Variants in SPIRE2 observed in about 807,000 individuals in gnomAD.
SPIRE2 encodes the protein protein spire homolog 2.
SPIRE2 carries 76 observed loss-of-function variants against 80.7 expected under a neutral mutation model. The ratio of observed to expected loss-of-function variants is 0.94; its 90% CI spans 0.78 to 1.14. The LOEUF (loss-of-function observed/expected upper bound fraction) is 1.14. SPIRE2 is among the 50% of genes most tolerant of loss of function. SPIRE2 has a pLI of 0.00. For synonymous variants in SPIRE2, 535 were observed against 432.6 expected (o/e 1.24, Z -2.94); for missense variants, 1,196 against 1,015.3 (o/e 1.18, Z -2.42).
chr16:89,834,357 C>T lies in SPIRE2; in HGVS notation c.244+5563C>T, dbSNP rs149583750. Among the ~76,000 whole-genome samples the T allele has an allele frequency of 1.3e-3, 177 of 138,364 alleles. 5 individuals are homozygous for T. In the East Asian group the frequency reaches 0.031, roughly 25 times the overall value. 90.8% of individuals were successfully genotyped at this position (138,364 alleles called of 152,430 possible). On this transcript the variant is annotated intron_variant, in intron 1 of 14. Coordinates refer to ENST00000378247, the MANE Select transcript of SPIRE2 (RefSeq NM_032451.2). ...GAATCTGTGAACCTGCCTGTGCTCACGGTTGGCCGTCGTAGAAGCCTGGAT... is the reference window on the plus strand; with the variant it reads ...GAATCTGTGAACCTGCCTGTGCTCATGGTTGGCCGTCGTAGAAGCCTGGAT...
chr16:89,845,205 G>T (rs1476865136), intron 1 of SPIRE2, 117 bp from the exon 2 acceptor site: 1 of 928,172 alleles, frequency 1.1e-6, no homozygotes, highest in Admixed American at 1.9e-5. Flanking sequence ...GCTTTCTGGT[G>T]TTCCGGCGGA....
intron 1 of SPIRE2, among the ~76,000 whole-genome samples, chr16:89,843,683 TTGTTTTTGTTTTTTG>T (rs2041526785): frequency 2.2e-4 from 5 of 22,646 alleles, no homozygotes; most frequent in East Asian, 8.1e-3. Context: ...TTTTTTTTGT[TTGTTTTTGTTTTTTG>T]TTTTTTTTTT....
chr16:89,839,957 C>A (rs988635932), intron 1 of SPIRE2, among the ~76,000 whole-genome samples: 1 of 152,224 alleles, frequency 6.6e-6, no homozygotes, highest in Admixed American at 6.5e-5. Context: ...TAACGCCATG[C>A]GTGAGATTGA....
chr16:89,854,242 C>G, intron 3 of SPIRE2, 44 bp from the exon 4 acceptor site: 1 of 1,580,178 alleles, frequency 6.3e-7, no homozygotes, highest in South Asian at 1.1e-5. Flanking sequence ...TTGCATCTGC[C>G]ATTCTCGTAC....
chr16:89,834,371 A>G (rs1474955802), intron 1 of SPIRE2, among the ~76,000 whole-genome samples: 6 of 137,492 alleles, frequency 4.4e-5, no homozygotes, highest in African/African-American at 1.3e-4. Context: ...TGGCCGTCGT[A>G]GAAGCCTGGA....
chr16:89,858,148 G>C (rs983489470), intron 7 of SPIRE2, among the ~76,000 whole-genome samples, 190 bp from the exon 8 acceptor site: 8 of 152,116 alleles, frequency 5.3e-5, no homozygotes, highest in African/African-American at 1.9e-4. Flanking sequence ...GCCTCCCAAA[G>C]TGCTGGGATT....
chr16:89,857,759 G>A (rs1489788884), intron 7 of SPIRE2, among the ~76,000 whole-genome samples: 3 of 151,662 alleles, frequency 2.0e-5, no homozygotes, highest in African/African-American at 4.8e-5. Flanking sequence ...TAGTAGAGAC[G>A]GGGTTTCTCC....
chr16:89,841,207 A>G (rs1448367423), intron 1 of SPIRE2, among the ~76,000 whole-genome samples: 1 of 151,282 alleles, frequency 6.6e-6, no homozygotes, highest in African/African-American at 2.4e-5. Flanking sequence ...AAGGAAAAAG[A>G]AACTCAGGTG....
chr16:89,829,252 A>T (rs377057061), intron 1 of SPIRE2, among the ~76,000 whole-genome samples: 1 of 152,216 alleles, frequency 6.6e-6, no homozygotes, highest in Admixed American at 6.5e-5. Context: ...TTGGCGTCTG[A>T]ACTGACACTA....
At chr16:89,868,327 C>A in intron 13 of SPIRE2, 111 bp downstream of exon 13, 1 of 1,105,150 alleles carries the variant, frequency 9.0e-7, no homozygotes, top group Non-Finnish European at 1.4e-6. Context: ...CATCCATTTC[C>A]TTTCAGGCAG....
At position 89,863,312 on chromosome 16, in the gene SPIRE2, C is replaced by T. The variant is rs1257118501; in HGVS notation, c.1576-164C>T. The T allele has an allele frequency of 1.6e-5, 12 of 757,566 alleles. No homozygotes were observed. Among genetic ancestry groups the T allele is most frequent in the African/African-American group, 5.3e-5 (3 of 56,690 alleles). 46.9% of individuals were successfully genotyped at this position (757,566 alleles called of 1,614,324 possible). A position where few individuals can be genotyped will look rare whatever the true frequency, so the allele number is the denominator to read the frequency against. On this transcript the variant is annotated intron_variant, in intron 10 of 14. Coordinates refer to ENST00000378247, the MANE Select transcript of SPIRE2 (RefSeq NM_032451.2). The surrounding 1 kb of genome is among the most constrained non-coding windows in gnomAD (Gnocchi z 4.3). ...CTGCAGCAGCAGGGCCCATCAAAGACATGGGGATGGATGGCTGATGGACAA... is the reference window on the plus strand; with the variant it reads ...CTGCAGCAGCAGGGCCCATCAAAGATATGGGGATGGATGGCTGATGGACAA...
intron 5 of SPIRE2, 109 bp from the exon 6 acceptor site, chr16:89,855,491 C>A: frequency 3.4e-6 from 3 of 874,302 alleles, no homozygotes; most frequent in Admixed American, 2.2e-5. Context: ...AGTGGGAGGG[C>A]GGGTAGGTGC....
chr16:89,832,633 C>T (rs544103019), intron 1 of SPIRE2, among the ~76,000 whole-genome samples: 8 of 152,216 alleles, frequency 5.3e-5, no homozygotes, highest in South Asian at 2.1e-4. Context: ...TGGGCACCCT[C>T]GGAGCTCAGG....
intron 1 of SPIRE2, among the ~76,000 whole-genome samples, chr16:89,840,171 C>T (rs2041490690): frequency 6.6e-6 from 1 of 152,138 alleles, no homozygotes; most frequent in Non-Finnish European, 1.5e-5. Context: ...GACGACCTTC[C>T]TCTTGAAGCT....
chr16:89,856,063 CCCACCGCAGGTCCTGCTTCCCCACCG>C, intron 6 of SPIRE2, 24 bp from the exon 7 acceptor site: 2 of 1,586,124 alleles, frequency 1.3e-6, no homozygotes, highest in Middle Eastern at 2.2e-4. Context: ...GTCCCGCTTC[CCCACCGCAGGTCCTGCTTCCCCACCG>C]CAGGTCTCGC....
chr16:89,843,239 T>G (rs2041520367), intron 1 of SPIRE2, among the ~76,000 whole-genome samples: 1 of 152,192 alleles, frequency 6.6e-6, no homozygotes, highest in Non-Finnish European at 1.5e-5. Flanking sequence ...TTATCAGCCC[T>G]GATACCTTGG....
chr16:89,860,150 C>G (rs924070673), intron 9 of SPIRE2, among the ~76,000 whole-genome samples: 1 of 152,176 alleles, frequency 6.6e-6, no homozygotes, highest in African/African-American at 2.4e-5. Flanking sequence ...GTGGGACTGC[C>G]CATGCCAGCT....
chr16:89,856,326 C>G (rs901299828), intron 7 of SPIRE2, 90 bp downstream of exon 7: 1 of 1,423,454 alleles, frequency 7.0e-7, no homozygotes. Context: ...TGGAAGGTGG[C>G]GTCTCCCTGA....
intron 12 of SPIRE2, among the ~76,000 whole-genome samples, chr16:89,866,581 C>A (rs2041790787): frequency 6.6e-6 from 1 of 151,894 alleles, no homozygotes; most frequent in Non-Finnish European, 1.5e-5. Flanking sequence ...AGCGGTGAGC[C>A]ACCACGCCCA....
Sources: gnomAD v4.1 joint callset for allele counts (sites outside exome capture counted in the v4.1 genomes callset) on GRCh38, gnomAD v4.1.1 for gene constraint, Gnocchi (gnomAD v3.1) non-coding constraint, MANE v1.5 for transcripts, NCBI Gene and HGNC (gene_info 2026-07-23, HGNC 2026-07-21) for gene names.